Variants in RASA3 observed in about 807,000 individuals in gnomAD.
RASA3 encodes ras GTPase-activating protein 3.
A neutral mutation model predicts 110.0 loss-of-function variants in RASA3; 73 were observed. That is an observed-to-expected ratio of 0.66 (90% CI 0.55 to 0.81). The LOEUF is 0.81. RASA3 is among the 30% of genes least tolerant of loss of function. The pLI is 0.00. For synonymous variants in RASA3, 500 were observed against 451.4 expected (o/e 1.11, Z -1.37); for missense variants, 976 against 1,113.2 (o/e 0.88, Z 1.75).
chr13:113,979,231 C>T lies in RASA3; in HGVS notation c.*116G>A, dbSNP rs1252404023. On this transcript the variant is annotated 3_prime_UTR_variant, in exon 24 of 24. Transcript: ENST00000334062. ...ACCCCAGCGCCACTTGTCTATGGGC[C>T]GGGACGGCGTGCATCTCACTTTGCC... The T allele has an allele frequency of 2.9e-6, 3 of 1,026,834 alleles. No homozygotes were observed. The highest frequency in any genetic ancestry group is 3.1e-5 in the African/African-American group (2 of 63,536). 63.6% of individuals were successfully genotyped at this position (1,026,834 alleles called of 1,614,324 possible).
intron 1 of RASA3, among the ~76,000 whole-genome samples, chr13:114,113,251 T>G (rs2080241149): frequency 6.6e-6 from 1 of 152,154 alleles, no homozygotes; most frequent in Non-Finnish European, 1.5e-5. Context: ...GGCACCTCCT[T>G]CCATGGAGAC....
In RASA3 at chr13:114,027,442, TC is replaced by T; in HGVS notation, c.549del (p.Val185Ter). 1 of 1,612,994 alleles carries T rather than the reference TC, an allele frequency of 6.2e-7. No homozygotes were observed. The highest frequency in any genetic ancestry group is 8.5e-7 in the Non-Finnish European group (1 of 1,179,024). ...GGATTGTTGGTCTTCCTCTTCACTTTCGTCTTCTTTGCTTCTGATCTGTTAT... is the reference window on the plus strand; with the variant it reads ...GGATTGTTGGTCTTCCTCTTCACTTTGTCTTCTTTGCTTCTGATCTGTTAT... ...AGPFRSEAKKTKVKRKTNNPQ... is the reference protein window; with the variant it reads ...AGPFRSEAKKXKVKRKTNNPQ... On this transcript the variant is annotated frameshift_variant, in exon 7 of 24. Coordinates refer to ENST00000334062, the MANE Select transcript of RASA3 (RefSeq NM_007368.4). LOFTEE classifies it high-confidence loss of function.
chr13:114,049,027 C>G (rs1249918232), intron 3 of RASA3, among the ~76,000 whole-genome samples: 1 of 151,538 alleles, frequency 6.6e-6, no homozygotes, highest in African/African-American at 2.4e-5. Flanking sequence ...CCAACCCACA[C>G]CCCCGACCCC....
At chr13:114,007,406 G>C (rs76652439) in intron 18 of RASA3, 127 bp downstream of exon 18, 1 of 177,176 alleles carries the variant, frequency 5.6e-6, no homozygotes. Context: ...CCTGCTGGAC[G>C]CCACCTTACC....
In RASA3 at chr13:114,018,134, G is replaced by A; in HGVS notation, c.1061C>T (p.Ala354Val). The stretch of plus-strand genomic sequence containing the variant: ...CCGCTTCACCTCCGCGCTGGCGATG[G>A]CACTGATGAATGGCACCACCCTGCC... The part of the protein sequence containing the change: ...HYGRVVPFIS[A>V]IASAEVKRTQ... The change falls in exon 11 of 24, where the codon GCC becomes GTC. Residue 354 changes from alanine to valine, a missense_variant. Ala to Val is a moderately conservative substitution (Grantham distance 64, BLOSUM62 0). Coordinates refer to ENST00000334062, the MANE Select transcript of RASA3 (RefSeq NM_007368.4). The A allele has an allele frequency of 7.7e-6, 12 of 1,549,958 alleles. 1 individual carries two copies. The highest frequency in any genetic ancestry group is 2.4e-5 in the South Asian group (2 of 84,016).
At chr13:114,107,131 C>T (rs56205709) in intron 1 of RASA3, among the ~76,000 whole-genome samples, 7,366 of 152,212 alleles carry the variant, frequency 0.048, 320 homozygotes, top group East Asian at 0.22. Flanking sequence ...CTGCGGACAG[C>T]GTTCAGGCTC....
chr13:114,002,497 G>A lies in RASA3; in HGVS notation c.1743-1565C>T, dbSNP rs138646277. Reference sequence around the variant, plus strand: ...GCGGGGCCTACACAGACGGGGGTTGGGGGGGGACTGGGAGCTCCACGACAT... The same window carrying A: ...GCGGGGCCTACACAGACGGGGGTTGAGGGGGGACTGGGAGCTCCACGACAT... On this transcript the variant is annotated intron_variant, in intron 18 of 23. Coordinates refer to ENST00000334062, the MANE Select transcript of RASA3 (RefSeq NM_007368.4). Among the ~76,000 whole-genome samples the A allele has an allele frequency of 8.5e-5, 13 of 152,216 alleles. No individual in the cohort carries two copies. In the South Asian group the frequency reaches 1.2e-3, roughly 15 times the overall value.
At chr13:114,064,939 G>A (rs764060771) in intron 2 of RASA3, among the ~76,000 whole-genome samples, 6 of 152,248 alleles carry the variant, frequency 3.9e-5, no homozygotes, top group African/African-American at 9.6e-5. Context: ...GGAAATTAAC[G>A]CACGCAGCAG....
At chr13:114,047,599 C>T (rs2079074256) in intron 3 of RASA3, among the ~76,000 whole-genome samples, 1 of 152,248 alleles carries the variant, frequency 6.6e-6, no homozygotes, top group African/African-American at 2.4e-5. Context: ...AAGACCTATC[C>T]GAGAATGTTT....
At chr13:114,110,806 G>A (rs972733300) in intron 1 of RASA3, among the ~76,000 whole-genome samples, 4 of 152,300 alleles carry the variant, frequency 2.6e-5, no homozygotes, top group East Asian at 1.9e-4. Context: ...TCCGGACACC[G>A]GCAGGTTTGA....
chr13:114,077,408 C>T (rs2001387), intron 1 of RASA3, among the ~76,000 whole-genome samples: 21,579 of 149,804 alleles, frequency 0.14, 1,969 homozygotes, highest in African/African-American at 0.26. Flanking sequence ...TTCATCCCTC[C>T]GTCCCTGCCT....
chr13:114,106,077 G>A (rs985410582), intron 1 of RASA3, among the ~76,000 whole-genome samples: 4 of 152,166 alleles, frequency 2.6e-5, no homozygotes, highest in Non-Finnish European at 5.9e-5. Flanking sequence ...GGTGCACATC[G>A]CAGAGCGGCA....
chr13:114,026,474 A>G (rs796648119), intron 7 of RASA3, among the ~76,000 whole-genome samples: 22 of 152,336 alleles, frequency 1.4e-4, no homozygotes, highest in African/African-American at 5.3e-4. Context: ...TGGCCCTGAA[A>G]GCCTGGCCCT....
intron 1 of RASA3, among the ~76,000 whole-genome samples, chr13:114,105,736 G>A (rs1446260242): frequency 2.6e-5 from 4 of 152,366 alleles, no homozygotes; most frequent in Admixed American, 1.3e-4. Flanking sequence ...CAGCCCGTCC[G>A]TTGTCCTGAC....
At chr13:113,997,459 G>C (rs1023840197) in intron 20 of RASA3, among the ~76,000 whole-genome samples, 1 of 152,022 alleles carries the variant, frequency 6.6e-6, no homozygotes, top group African/African-American at 2.4e-5. Flanking sequence ...CTCAAAGTTA[G>C]TTAAGCAGGG....
intron 1 of RASA3, among the ~76,000 whole-genome samples, chr13:114,109,084 T>G (rs1031012781): frequency 6.6e-6 from 1 of 152,070 alleles, no homozygotes; most frequent in Non-Finnish European, 1.5e-5. Context: ...AGAGGGAGTG[T>G]TTCTCCCCAA....
At chr13:113,997,368 C>T (rs9525175) in intron 20 of RASA3, among the ~76,000 whole-genome samples, 29,198 of 152,110 alleles carry the variant, frequency 0.19, 3,038 homozygotes, top group African/African-American at 0.27. Flanking sequence ...ACTGAACCTG[C>T]AGCCACCAAG....
intron 1 of RASA3, among the ~76,000 whole-genome samples, chr13:114,080,701 CAG>C (rs1428991929): frequency 2.6e-5 from 4 of 152,252 alleles, no homozygotes; most frequent in Middle Eastern, 3.4e-3. Context: ...GCCACTGAAA[CAG>C]GGGTCTCCCC....
chr13:114,089,707 C>A (rs60794079), intron 1 of RASA3, among the ~76,000 whole-genome samples: 10,448 of 152,252 alleles, frequency 0.069, 400 homozygotes, highest in Middle Eastern at 0.12. Flanking sequence ...ACACAACTCC[C>A]TGCTTTTAAA....
Sources: allele counts gnomAD v4.1 joint callset (sites outside exome capture counted in the v4.1 genomes callset), GRCh38; gene constraint gnomAD v4.1.1; transcripts MANE v1.5; gene names NCBI Gene and HGNC (gene_info 2026-07-23, HGNC 2026-07-21).